The following TEX26 variants were observed in gnomAD, a reference collection of about 807,000 sequenced individuals.
The protein encoded by TEX26 is testis expressed 26.
In TEX26, 34 loss-of-function variants were observed where a neutral mutation model predicts 35.3. The observed-to-expected ratio is 0.96, with a 90% CI of 0.73 to 1.28. The LOEUF is 1.28. TEX26 is among the 50% of genes most tolerant of loss of function. The pLI is 0.00. For missense variants in TEX26, 371 were observed against 330.1 expected, an observed-to-expected ratio of 1.12 and a Z score of -0.96; for synonymous variants, 136 against 111.8, an observed-to-expected ratio of 1.22 and a Z score of -1.36.
chr13:30,969,551 A>G (rs773135878), intron 6 of TEX26, among the ~76,000 whole-genome samples: 1 of 152,192 alleles, frequency 6.6e-6, no homozygotes, highest in Non-Finnish European at 1.5e-5. Context: ...CCTAGTTTGC[A>G]GCCAAGTGAC....
intron 3 of TEX26, among the ~76,000 whole-genome samples, chr13:30,955,686 T>G (rs1437267648): frequency 6.6e-6 from 1 of 152,198 alleles, no homozygotes; most frequent in Non-Finnish European, 1.5e-5. Flanking sequence ...TTGATACAGA[T>G]GGCAATGATC....
chr13:30,962,849 G>C (rs553457368), intron 4 of TEX26, among the ~76,000 whole-genome samples: 1 of 151,408 alleles, frequency 6.6e-6, no homozygotes, highest in South Asian at 2.1e-4. Context: ...TTGAGACGGA[G>C]TCTCACTCTG....
intron 3 of TEX26, among the ~76,000 whole-genome samples, chr13:30,953,105 G>T (rs940521802): frequency 3.3e-5 from 5 of 152,052 alleles, no homozygotes; most frequent in African/African-American, 1.2e-4. Flanking sequence ...CTGGCATTTA[G>T]TACATACATG....
intron 4 of TEX26, among the ~76,000 whole-genome samples, chr13:30,964,915 C>T (rs528551076): frequency 1.3e-5 from 2 of 152,334 alleles, no homozygotes; most frequent in Non-Finnish European, 2.9e-5. Context: ...CCAAACACCT[C>T]CCATTAGGCC....
intron 6 of TEX26, among the ~76,000 whole-genome samples, chr13:30,972,273 G>A (rs187220852): frequency 3.9e-5 from 6 of 152,288 alleles, no homozygotes; most frequent in Admixed American, 3.9e-4. Context: ...ACAAAATCAC[G>A]AGGAAATGAA....
chr13:30,969,031 A>C lies in TEX26; in HGVS notation c.793A>C (p.Ser265Arg). The stretch of plus-strand genomic sequence containing the variant: ...CTCTCAAGTCAAAGAGTACCTTCAG[A>C]GTCTTTCCTACAAAGGTAAGATGAG... Reference protein sequence around the residue: ...TSSQVKEYLQSLSYKDRQIID... With the variant: ...TSSQVKEYLQRLSYKDRQIID... The change falls in exon 6 of 7, where the codon AGT (serine) becomes CGT (arginine). Residue 265 changes from serine (S) to arginine (R), a missense_variant. By Grantham distance (110) the Ser-to-Arg change is moderately radical. Coordinates refer to ENST00000380473, the MANE Select transcript of TEX26 (RefSeq NM_152325.3). 6.2e-7 allele frequency: 1 copy of C among 1,613,528 alleles called. No individual in the cohort carries two copies. Among genetic ancestry groups the C allele is most frequent in the South Asian group, 1.1e-5 (1 of 90,944 alleles).
Position 30,968,994 on chromosome 13 carries a change from CT to C in TEX26, c.757del (p.Ser253HisfsTer42). The C allele has an allele frequency of 6.2e-7, 1 of 1,614,122 alleles. No individual in the cohort carries two copies. The highest frequency in any genetic ancestry group is 1.1e-5 in the South Asian group (1 of 91,078). Reference sequence around the variant, plus strand: ...ACCCAGATTTCTTAATGCTTTTAAACTCATTTACTTCCTCTCAAGTCAAAGA... The same window carrying C: ...ACCCAGATTTCTTAATGCTTTTAAACCATTTACTTCCTCTCAAGTCAAAGA... ...TYPDFLMLLNSFTSSQVKEYL... is the reference protein window; with the variant it reads ...TYPDFLMLLNXFTSSQVKEYL... On this transcript the variant is annotated frameshift_variant, in exon 6 of 7. Coordinates refer to ENST00000380473, the MANE Select transcript of TEX26 (RefSeq NM_152325.3). LOFTEE classifies it high-confidence loss of function.
At chr13:30,956,762 G>A in intron 3 of TEX26, 111 bp from the exon 4 acceptor site, 1 of 992,254 alleles carries the variant, frequency 1.0e-6, no homozygotes, top group Non-Finnish European at 1.5e-6. Context: ...ACCTGCAGTG[G>A]CAGCTGGTTG....
chr13:30,939,858 T>A (rs1566140465), intron 2 of TEX26, 80 bp downstream of exon 2: 1 of 1,266,944 alleles, frequency 7.9e-7, no homozygotes, highest in African/African-American at 1.5e-5. Flanking sequence ...TCCAAACACA[T>A]AGACAGTAAT....
intron 4 of TEX26, among the ~76,000 whole-genome samples, chr13:30,965,405 T>TG (rs933338842): frequency 1.3e-5 from 2 of 152,356 alleles, no homozygotes; most frequent in Non-Finnish European, 2.9e-5. Context: ...AGAGTTGAGT[T>TG]CAGTGTCAAT....
At chr13:30,974,131 A>AAAAAATATATATATATATAT in intron 6 of TEX26, among the ~76,000 whole-genome samples, 4 of 84,414 alleles carry the variant, frequency 4.7e-5, no homozygotes, top group African/African-American at 1.9e-4. Context: ...AAAAAAAAAA[A>AAAAAATATATATATATATAT]ATATATATAT....
intron 6 of TEX26, among the ~76,000 whole-genome samples, chr13:30,969,379 C>T (rs1347848615): frequency 6.6e-6 from 1 of 152,162 alleles, no homozygotes; most frequent in Non-Finnish European, 1.5e-5. Context: ...GGTGTTTGTA[C>T]AGTCACGTTG....
chr13:30,945,310 AC>A (rs1304129271), intron 2 of TEX26, among the ~76,000 whole-genome samples: 5 of 150,452 alleles, frequency 3.3e-5, no homozygotes, highest in Non-Finnish European at 5.9e-5. Context: ...ATCTTTTTCC[AC>A]CCTTTTTCCT....
intron 4 of TEX26, among the ~76,000 whole-genome samples, chr13:30,961,037 C>T (rs1446022648): frequency 6.6e-6 from 1 of 152,114 alleles, no homozygotes; most frequent in Non-Finnish European, 1.5e-5. Flanking sequence ...GGGGGAAATC[C>T]CTAAATGCCA....
At chr13:30,974,608 G>T (rs1566172679) in intron 6 of TEX26, among the ~76,000 whole-genome samples, 1 of 152,120 alleles carries the variant, frequency 6.6e-6, no homozygotes, top group South Asian at 2.1e-4. Context: ...TCTGAAATTC[G>T]TGTTCTGTCC....
intron 2 of TEX26, among the ~76,000 whole-genome samples, chr13:30,948,362 T>C (rs190227648): frequency 6.6e-6 from 1 of 152,356 alleles, no homozygotes; most frequent in East Asian, 1.9e-4. Context: ...ACCAACAGTG[T>C]AAAATTGTTC....
intron 6 of TEX26, among the ~76,000 whole-genome samples, chr13:30,969,703 C>T (rs945739584): frequency 2.0e-5 from 3 of 152,184 alleles, no homozygotes; most frequent in Admixed American, 1.3e-4. Context: ...TGAGGGATCA[C>T]ACACCCCCTA....
intron 4 of TEX26, among the ~76,000 whole-genome samples, chr13:30,959,807 C>G (rs1272309186): frequency 6.6e-6 from 1 of 152,052 alleles, no homozygotes; most frequent in Non-Finnish European, 1.5e-5. Flanking sequence ...ATTGAAAGGG[C>G]CCCTGAATGC....
chr13:30,959,324 T>G (rs931564883), intron 4 of TEX26, among the ~76,000 whole-genome samples: 1 of 152,220 alleles, frequency 6.6e-6, no homozygotes, highest in East Asian at 1.9e-4. Context: ...AACTATTTCT[T>G]CTTATGTGAT....
Sources: allele counts gnomAD v4.1 joint callset (sites outside exome capture counted in the v4.1 genomes callset), GRCh38; gene constraint gnomAD v4.1.1; transcripts MANE v1.5; gene names NCBI Gene and HGNC (gene_info 2026-07-23, HGNC 2026-07-21).